ARHGAP10: variants seen among roughly 807,000 people sequenced by gnomAD.
ARHGAP10 encodes the protein Rho GTPase activating protein 10, also known as rho GTPase-activating protein 10.
Under a neutral mutation model 108.6 loss-of-function variants are expected in ARHGAP10, and 87 were observed. That is an observed-to-expected ratio of 0.80 (90% confidence interval 0.67 to 0.96). The LOEUF is 0.96. Ranked by LOEUF, ARHGAP10 falls within the 40% of genes least tolerant of loss-of-function variation. The pLI, the probability that ARHGAP10 is intolerant of heterozygous loss-of-function variation, is 0.00. For missense variants in ARHGAP10, 939 were observed against 954.5 expected, an observed-to-expected ratio of 0.98 and a Z score of 0.21; for synonymous variants, 347 against 341.1, an observed-to-expected ratio of 1.02 and a Z score of -0.19.
chr4:147,839,337 G>C (rs1248390707), intron 3 of ARHGAP10, among the ~76,000 whole-genome samples: 1 of 152,170 alleles, frequency 6.6e-6, no homozygotes, highest in East Asian at 1.9e-4. Context: ...AAATAGGGGA[G>C]ATATTCCTTT....
chr4:147,735,062 T>C (rs1728363893), intron 1 of ARHGAP10, among the ~76,000 whole-genome samples: 1 of 152,190 alleles, frequency 6.6e-6, no homozygotes, highest in African/African-American at 2.4e-5. Context: ...AAGTCTTCCA[T>C]AAATATTTAG....
intron 20 of ARHGAP10, among the ~76,000 whole-genome samples, chr4:148,051,810 C>T (rs1729150509): frequency 6.6e-6 from 1 of 152,214 alleles, no homozygotes; most frequent in South Asian, 2.1e-4. Context: ...ATAACACCTT[C>T]CTATTCCCAT....
chr4:147,883,478 G>A (rs1195421334), intron 10 of ARHGAP10, among the ~76,000 whole-genome samples: 1 of 152,210 alleles, frequency 6.6e-6, no homozygotes, highest in Non-Finnish European at 1.5e-5. Flanking sequence ...ATTCCTTTCT[G>A]AGTGCCACTG....
intron 20 of ARHGAP10, among the ~76,000 whole-genome samples, chr4:148,057,790 C>G (rs932758310): frequency 2.0e-5 from 3 of 152,260 alleles, no homozygotes; most frequent in Non-Finnish European, 2.9e-5. Flanking sequence ...ATTGGGCATT[C>G]TCCACTCACT....
chr4:148,004,234 A>G (rs775353853), intron 18 of ARHGAP10, among the ~76,000 whole-genome samples: 14 of 152,236 alleles, frequency 9.2e-5, no homozygotes, highest in African/African-American at 3.4e-4. Context: ...TCTCTCTGCT[A>G]TCAAATACTC....
Position 147,881,875 on chromosome 4 carries a change from A to G in ARHGAP10, c.977A>G (p.Lys326Arg), listed in dbSNP as rs201421446. 9 of 1,614,134 alleles carry G rather than the reference A, an allele frequency of 5.6e-6. No homozygotes were observed. The East Asian group carries it at 2.0e-4, about 36-fold the overall frequency. The change falls in exon 10 of 23, where the codon AAG (lysine) becomes AGG (arginine). Residue 326 changes from lysine to arginine, a missense_variant. Lys to Arg is a conservative substitution (Grantham distance 26). Coordinates refer to ENST00000336498, the MANE Select transcript of ARHGAP10 (RefSeq NM_024605.4). ...GEVFFLKECT[K>R]RHTDSIDRRF... Reference sequence around the variant, plus strand: ...GTGTTCTTTTTGAAAGAATGTACCAAGAGGCATACTGACTCCATTGACAGA... The same window carrying G: ...GTGTTCTTTTTGAAAGAATGTACCAGGAGGCATACTGACTCCATTGACAGA...
intron 1 of ARHGAP10, among the ~76,000 whole-genome samples, chr4:147,740,586 T>G (rs999998214): frequency 2.0e-5 from 3 of 152,164 alleles, no homozygotes; most frequent in African/African-American, 7.2e-5. Flanking sequence ...TTAAACTGAT[T>G]GCTAATTTGT....
intron 19 of ARHGAP10, among the ~76,000 whole-genome samples, chr4:148,035,840 T>C (rs1326940597): frequency 6.6e-6 from 1 of 152,186 alleles, no homozygotes; most frequent in African/African-American, 2.4e-5. Flanking sequence ...AAGGAAGATT[T>C]TCTGATCAAA....
chr4:148,053,065 A>T (rs1729214225), intron 20 of ARHGAP10, among the ~76,000 whole-genome samples: 1 of 152,144 alleles, frequency 6.6e-6, no homozygotes, highest in Non-Finnish European at 1.5e-5. Flanking sequence ...TATTTTGTAG[A>T]TGACGTTTCA....
At chr4:147,886,917 T>A (rs1229899951) in intron 10 of ARHGAP10, among the ~76,000 whole-genome samples, 2 of 152,102 alleles carry the variant, frequency 1.3e-5, no homozygotes, top group African/African-American at 4.8e-5. Flanking sequence ...ACTACAAGTG[T>A]GTGCCACTAT....
At chr4:147,924,209 A>C (rs1194926642) in intron 13 of ARHGAP10, among the ~76,000 whole-genome samples, 1 of 152,210 alleles carries the variant, frequency 6.6e-6, no homozygotes, top group African/African-American at 2.4e-5. Context: ...ATGAATGGTC[A>C]CATTAAATTA....
rs554503809 is a variant in ARHGAP10 at position 147,956,750 on chromosome 4, C to CT, written c.1450+1387dup. On this transcript the variant is annotated intron_variant, in intron 16 of 22. Coordinates refer to ENST00000336498, the MANE Select transcript of ARHGAP10 (RefSeq NM_024605.4). ...TTATGGAATAAGGTTTTTTTTTTTCCTTTTTTTTTTTCTTTTATTATTATA... is the reference window on the plus strand; with the variant it reads ...TTATGGAATAAGGTTTTTTTTTTTCCTTTTTTTTTTTTCTTTTATTATTATA... Among the ~76,000 whole-genome samples, 112 of 141,976 alleles carry CT rather than the reference C, an allele frequency of 7.9e-4. 1 individual carries two copies. The South Asian group carries it at 0.012, about 15-fold the overall frequency. 93.1% of individuals were successfully genotyped at this position (141,976 alleles called of 152,430 possible).
intron 3 of ARHGAP10, among the ~76,000 whole-genome samples, chr4:147,830,130 T>C (rs1226870663): frequency 6.6e-6 from 1 of 152,274 alleles, no homozygotes; most frequent in Non-Finnish European, 1.5e-5. Flanking sequence ...CTATGCAGAC[T>C]CTTCAGGCTT....
chr4:147,799,313 G>A lies in ARHGAP10; in HGVS notation c.155-23414G>A, dbSNP rs76658248. Among the ~76,000 whole-genome samples, 747 of 152,140 alleles carry A rather than the reference G, an allele frequency of 4.9e-3. 9 individuals carry two copies. Among genetic ancestry groups the A allele is most frequent in the African/African-American group, 0.017 (703 of 41,504 alleles). On this transcript the variant is annotated intron_variant, in intron 1 of 22. Transcript: ENST00000336498. ...CTTTGGCCTTCCTAATGCTGGGATG[G>A]CCTCTCTTTGTTTATTCTGATCATA...
chr4:148,058,677 G>T (rs1329961936), intron 20 of ARHGAP10, among the ~76,000 whole-genome samples: 1 of 152,190 alleles, frequency 6.6e-6, no homozygotes, highest in African/African-American at 2.4e-5. Context: ...TACTGGAGGC[G>T]ACTGGATCAC....
chr4:148,068,967 C>G (rs1442339932), intron 22 of ARHGAP10, among the ~76,000 whole-genome samples: 1 of 152,126 alleles, frequency 6.6e-6, no homozygotes, highest in Non-Finnish European at 1.5e-5. Flanking sequence ...GGGTGAGGTT[C>G]CTGGACTGAG....
At chr4:147,772,451 A>C (rs1289087992) in intron 1 of ARHGAP10, among the ~76,000 whole-genome samples, 1 of 152,192 alleles carries the variant, frequency 6.6e-6, no homozygotes, top group Non-Finnish European at 1.5e-5. Context: ...GCAAGGTAGG[A>C]TAGGCGAGTG....
In ARHGAP10 at chr4:147,784,831, A is replaced by AT. The variant is rs1553949708; in HGVS notation, c.155-37896_155-37895insT. Among the ~76,000 whole-genome samples, 3 of 54,240 alleles carry AT rather than the reference A, an allele frequency of 5.5e-5. 1 individual carries two copies. Among genetic ancestry groups the AT allele is most frequent in the Non-Finnish European group, 8.8e-5 (3 of 34,050 alleles). 35.6% of individuals were successfully genotyped at this position (54,240 alleles called of 152,430 possible). ...AATATATTATAAAATATATATTATA[A>AT]ATATATTATAAAATATATATTATAA... On this transcript the variant is annotated intron_variant, in intron 1 of 22. Transcript: ENST00000336498.
chr4:147,860,316 C>CCT (rs1388503624), intron 5 of ARHGAP10, among the ~76,000 whole-genome samples: 1 of 152,150 alleles, frequency 6.6e-6, no homozygotes, highest in Non-Finnish European at 1.5e-5. Context: ...GTGGCAGGTG[C>CCT]CTGCAGTCCC....
Sources: gnomAD v4.1 joint callset for allele counts (sites outside exome capture counted in the v4.1 genomes callset) on GRCh38, gnomAD v4.1.1 for gene constraint, MANE v1.5 for transcripts, NCBI Gene and HGNC (gene_info 2026-07-23, HGNC 2026-07-21) for gene names.